GABRB2: variants seen among roughly 807,000 people sequenced by gnomAD.
GABRB2 encodes the protein gamma-aminobutyric acid type A receptor subunit beta2, also known as gamma-aminobutyric acid receptor subunit beta-2.
GABRB2 carries 16 observed loss-of-function variants against 54.7 expected under a neutral mutation model. That is an observed-to-expected ratio of 0.29 (90% CI 0.20 to 0.44). GABRB2 has a LOEUF of 0.44. Among genes scored for constraint, GABRB2 ranks in the 20% least tolerant of loss-of-function variants. The pLI is 1.00. For synonymous variants in GABRB2, 244 were observed against 233.8 expected, an observed-to-expected ratio of 1.04 and a Z score of -0.40; for missense variants, 355 against 644.0, an observed-to-expected ratio of 0.55 and a Z score of 4.86.
At chr5:161,535,922 A>G (rs1760619936) in intron 3 of GABRB2, among the ~76,000 whole-genome samples, 1 of 151,964 alleles carries the variant, frequency 6.6e-6, no homozygotes, top group Non-Finnish European at 1.5e-5. Context: ...TTCCACTGAG[A>G]GCTAATTATT....
chr5:161,324,326 T>C (rs1758302888), intron 9 of GABRB2, among the ~76,000 whole-genome samples: 1 of 152,166 alleles, frequency 6.6e-6, no homozygotes, highest in Non-Finnish European at 1.5e-5. Flanking sequence ...GAATTTGTTT[T>C]GTAATCAGAA....
chr5:161,440,551 T>C (rs1488861107), intron 4 of GABRB2, among the ~76,000 whole-genome samples: 1 of 152,120 alleles, frequency 6.6e-6, no homozygotes, highest in African/African-American at 2.4e-5. Flanking sequence ...TGTAAATACA[T>C]ATGCACCCAA....
intron 3 of GABRB2, among the ~76,000 whole-genome samples, chr5:161,509,045 A>G (rs930115118): frequency 6.6e-6 from 1 of 151,946 alleles, no homozygotes; most frequent in Non-Finnish European, 1.5e-5. Context: ...AGATAGCTAT[A>G]TAAAGAAATG....
intron 5 of GABRB2, among the ~76,000 whole-genome samples, chr5:161,388,113 C>A (rs1755702940): frequency 6.6e-6 from 1 of 152,088 alleles, no homozygotes; most frequent in Non-Finnish European, 1.5e-5. Flanking sequence ...GACTATAATT[C>A]CAACAATCCA....
At chr5:161,460,129 A>C (rs1214671622) in intron 3 of GABRB2, among the ~76,000 whole-genome samples, 1 of 152,042 alleles carries the variant, frequency 6.6e-6, no homozygotes, top group Non-Finnish European at 1.5e-5. Flanking sequence ...TATTTTTAGT[A>C]GAGTTGGGGT....
At chr5:161,439,927 T>G (rs2113205033) in intron 4 of GABRB2, among the ~76,000 whole-genome samples, 1 of 151,944 alleles carries the variant, frequency 6.6e-6, no homozygotes, top group Middle Eastern at 3.4e-3. Context: ...TAGCACATGT[T>G]TACCTATATA....
rs553004533 is a variant in GABRB2 at position 161,467,237 on chromosome 5, A to C, written c.238-7393T>G. Among the ~76,000 whole-genome samples, 14 of 152,202 alleles carry C rather than the reference A, an allele frequency of 9.2e-5. No individual in the cohort carries two copies. The South Asian group carries it at 2.7e-3, about 29-fold the overall frequency. On this transcript the variant is annotated intron_variant, in intron 3 of 9. Coordinates refer to ENST00000393959, the MANE Select transcript of GABRB2 (RefSeq NM_001371727.1). ...AAAATTAGATGGTTTCAGAGAAATC[A>C]CTCTCTCTGCTATCAGGCTTTTGTA...
chr5:161,417,214 T>C (rs2113134071), intron 4 of GABRB2, among the ~76,000 whole-genome samples: 1 of 152,344 alleles, frequency 6.6e-6, no homozygotes, highest in Middle Eastern at 3.4e-3. Context: ...GTAGAACAGG[T>C]AAAACATTGC....
intron 5 of GABRB2, among the ~76,000 whole-genome samples, chr5:161,351,432 A>G (rs1484489097): frequency 6.6e-6 from 1 of 152,148 alleles, no homozygotes; most frequent in East Asian, 1.9e-4. Flanking sequence ...AATGATGCCA[A>G]GAACACATAA....
intron 5 of GABRB2, among the ~76,000 whole-genome samples, chr5:161,355,521 T>A (rs1754594357): frequency 6.6e-6 from 1 of 151,754 alleles, no homozygotes; most frequent in East Asian, 1.9e-4. Flanking sequence ...GCATTGCATA[T>A]ATATAACATC....
At chr5:161,352,369 G>T (rs1236400346) in intron 5 of GABRB2, among the ~76,000 whole-genome samples, 1 of 151,600 alleles carries the variant, frequency 6.6e-6, no homozygotes, top group African/African-American at 2.4e-5. Context: ...ACTACTCAGG[G>T]TTAAAAAGAC....
At chr5:161,443,751 C>G (rs1757530303) in intron 4 of GABRB2, among the ~76,000 whole-genome samples, 1 of 152,184 alleles carries the variant, frequency 6.6e-6, no homozygotes, top group South Asian at 2.1e-4. Context: ...GCATTTTTCT[C>G]CTCCTTGGTA....
intron 9 of GABRB2, among the ~76,000 whole-genome samples, chr5:161,309,586 A>G (rs1467674711): frequency 6.6e-6 from 1 of 152,136 alleles, no homozygotes; most frequent in Non-Finnish European, 1.5e-5. Context: ...TATTCACAAT[A>G]GCAAAGACAT....
At chr5:161,503,624 C>T (rs927814634) in intron 3 of GABRB2, among the ~76,000 whole-genome samples, 7 of 150,848 alleles carry the variant, frequency 4.6e-5, no homozygotes, top group Admixed American at 2.7e-4. Context: ...CAGAAGAATC[C>T]CTTGAACCTG....
rs373587230 is a variant in GABRB2 at position 161,411,061 on chromosome 5, G to T, written c.459-4C>A. On this transcript the variant is annotated splice_region_variant and splice_polypyrimidine_tract_variant and intron_variant, in intron 4 of 9. Coordinates refer to ENST00000393959, the MANE Select transcript of GABRB2 (RefSeq NM_001371727.1). ...GCAGGCAGCTGTGGTTGTGATTCTA[G>T]AAGACAAATAGCAATGATGAGTGTT... 1 of 1,610,580 alleles carries T rather than the reference G, an allele frequency of 6.2e-7. No homozygotes were observed. Among genetic ancestry groups the T allele is most frequent in the African/African-American group, 1.3e-5 (1 of 74,810 alleles).
At position 161,360,004 on chromosome 5, in the gene GABRB2, C is replaced by G. The variant is rs192262942; in HGVS notation, c.542-23235G>C. Among the ~76,000 whole-genome samples the G allele has an allele frequency of 7.2e-3, 1,089 of 152,130 alleles. 14 individuals are homozygous for G. The highest frequency in any genetic ancestry group is 0.01 in the Middle Eastern group (3 of 294). ...GCTGAGGCAGGAGAATCACTTGAAC[C>G]CCGGAGGCGGAGGTTGTGCAGCAAG... On this transcript the variant is annotated intron_variant, in intron 5 of 9. Coordinates refer to ENST00000393959, the MANE Select transcript of GABRB2 (RefSeq NM_001371727.1).
Position 161,529,361 on chromosome 5 carries a change from T to C in GABRB2, c.237+15866A>G, listed in dbSNP as rs1334989086. ...ACTACTAACAATCAACCTGGGAGAC[T>C]ATGTTGGAGGCGATTCCATTTGAAA... On this transcript the variant is annotated intron_variant, in intron 3 of 9. Coordinates refer to ENST00000393959, the MANE Select transcript of GABRB2 (RefSeq NM_001371727.1). 2.0e-5 allele frequency among the ~76,000 whole-genome samples: 3 copies of C among 152,124 alleles called. No individual in the cohort carries two copies. In the East Asian group the frequency reaches 5.8e-4, roughly 29 times the overall value.
At chr5:161,438,434 A>C (rs956981426) in intron 4 of GABRB2, among the ~76,000 whole-genome samples, 1 of 152,182 alleles carries the variant, frequency 6.6e-6, no homozygotes, top group East Asian at 1.9e-4. Flanking sequence ...ACAGCTACAA[A>C]TAAGTCCAGA....
intron 3 of GABRB2, among the ~76,000 whole-genome samples, chr5:161,474,386 GT>G (rs913372967): frequency 2.0e-5 from 3 of 151,804 alleles, no homozygotes; most frequent in Admixed American, 6.6e-5. Context: ...CCTTTCCTAT[GT>G]TTCCCATTCT....
Sources: allele counts gnomAD v4.1 joint callset (sites outside exome capture counted in the v4.1 genomes callset), GRCh38; gene constraint gnomAD v4.1.1; transcripts MANE v1.5; gene names NCBI Gene and HGNC (gene_info 2026-07-23, HGNC 2026-07-21).